Variants in ZNF407 observed in about 807,000 individuals in gnomAD.
ZNF407 encodes zinc finger protein 407.
Under a neutral mutation model 131.2 loss-of-function variants are expected in ZNF407, and 17 were observed. The observed-to-expected ratio is 0.13, with a 90% CI of 0.09 to 0.19. The LOEUF is 0.19. ZNF407 is among the 10% of genes least tolerant of loss of function. The probability of loss-of-function intolerance (pLI) is 1.00; values close to 1 mark genes in which losing one functional copy is unlikely to be tolerated. For missense variants in ZNF407, 2,681 were observed against 2,830.6 expected, an observed-to-expected ratio of 0.95 and a Z score of 1.20; for synonymous variants, 1,156 against 1,062.0, an observed-to-expected ratio of 1.09 and a Z score of -1.72.
intron 3 of ZNF407, among the ~76,000 whole-genome samples, chr18:74,724,533 C>CT (rs564857824): frequency 2.6e-5 from 4 of 152,058 alleles, no homozygotes; most frequent in Admixed American, 1.3e-4. Context: ...ATGAGATCAA[C>CT]TTTTTTTTAA....
At chr18:75,059,684 G>A (rs1973601759) in intron 8 of ZNF407, among the ~76,000 whole-genome samples, 1 of 152,154 alleles carries the variant, frequency 6.6e-6, no homozygotes, top group South Asian at 2.1e-4. Context: ...CCGGGGATCA[G>A]CCACACGGGC....
At chr18:74,601,704 T>G (rs1235740208) in intron 1 of ZNF407, among the ~76,000 whole-genome samples, 1 of 151,682 alleles carries the variant, frequency 6.6e-6, no homozygotes, top group East Asian at 1.9e-4. Context: ...CCAGGTCACA[T>G]GGGAACTCAC....
chr18:74,698,850 C>G lies in ZNF407; in HGVS notation c.4802+57728C>G, dbSNP rs1014510672. ...GTATACTCACTGGGCCATTAATGCT[C>G]TTAATTTGTTCCCCTCTTATTTCCT... On this transcript the variant is annotated intron_variant, in intron 3 of 8. Coordinates refer to ENST00000299687, the MANE Select transcript of ZNF407 (RefSeq NM_017757.3). Among the ~76,000 whole-genome samples the G allele has an allele frequency of 3.3e-5, 5 of 152,212 alleles. No individual in the cohort carries two copies. In the Middle Eastern group the frequency reaches 0.014, roughly 414 times the overall value.
At chr18:74,694,363 A>G (rs1967302182) in intron 3 of ZNF407, among the ~76,000 whole-genome samples, 1 of 152,130 alleles carries the variant, frequency 6.6e-6, no homozygotes, top group Non-Finnish European at 1.5e-5. Context: ...CAGAACTTGA[A>G]GATCACTTTA....
At chr18:74,641,303 C>T (rs896510400) in intron 3 of ZNF407, among the ~76,000 whole-genome samples, 181 bp downstream of exon 3, 11 of 152,226 alleles carry the variant, frequency 7.2e-5, no homozygotes, top group Admixed American at 2.0e-4. Flanking sequence ...CACTTCTAAT[C>T]CTGTACTGAA....
intron 4 of ZNF407, among the ~76,000 whole-genome samples, chr18:74,850,830 A>T (rs1452607921): frequency 1.3e-5 from 2 of 152,216 alleles, no homozygotes; most frequent in South Asian, 4.1e-4. Flanking sequence ...CCACTAATAA[A>T]GAACTCTCGA....
At chr18:74,622,015 C>T (rs563906368) in intron 1 of ZNF407, among the ~76,000 whole-genome samples, 3 of 152,086 alleles carry the variant, frequency 2.0e-5, no homozygotes, top group Non-Finnish European at 4.4e-5. Flanking sequence ...GTTGTATACT[C>T]TCTTCTCGTG....
chr18:74,630,422 C>T (rs561938520), intron 1 of ZNF407, among the ~76,000 whole-genome samples: 7 of 152,242 alleles, frequency 4.6e-5, no homozygotes, highest in South Asian at 2.1e-4. Context: ...CCGCCTGCCT[C>T]GGCCTCCCAA....
At position 74,632,201 on chromosome 18, in the gene ZNF407, A is replaced by G. The variant is rs888608282; in HGVS notation, c.1182A>G (p.Lys394=). 3 of 1,613,972 alleles carry G rather than the reference A, an allele frequency of 1.9e-6. No homozygotes were observed. Among genetic ancestry groups the G allele is most frequent in the Non-Finnish European group, 2.5e-6 (3 of 1,179,880 alleles). The change falls in exon 2 of 9, where the codon AAA becomes AAG. Residue 394 remains lysine (K), a synonymous_variant. Coordinates refer to ENST00000299687, the MANE Select transcript of ZNF407 (RefSeq NM_017757.3). ...TLVTSEGLLE[K]LESTKNTLQA... ...TAACCTCAGAGGGTCTCTTAGAGAA[A>G]TTGGAATCTACAAAAAATACCCTTC...
chr18:74,817,620 C>T (rs1164885919), intron 4 of ZNF407, among the ~76,000 whole-genome samples: 1 of 152,130 alleles, frequency 6.6e-6, no homozygotes, highest in Admixed American at 6.6e-5. Flanking sequence ...CTCAAAATTA[C>T]TATGACACTA....
intron 7 of ZNF407, among the ~76,000 whole-genome samples, chr18:74,909,273 C>T (rs1203870481): frequency 2.6e-5 from 4 of 151,634 alleles, no homozygotes; most frequent in African/African-American, 7.3e-5. Context: ...GGAAAAGCGC[C>T]GATAATGACT....
chr18:74,977,143 G>T lies in ZNF407; in HGVS notation c.5428+56451G>T, dbSNP rs1444598519. ...GCTTTCTGATGCATTTGATGGCTTT[G>T]CTGATGGTCTGGATAATACTTGCAG... On this transcript the variant is annotated intron_variant, in intron 8 of 8. Coordinates refer to ENST00000299687, the MANE Select transcript of ZNF407 (RefSeq NM_017757.3). 2.0e-5 allele frequency among the ~76,000 whole-genome samples: 3 copies of T among 152,242 alleles called. No homozygotes were observed. In the East Asian group the frequency reaches 5.8e-4, roughly 29 times the overall value.
At chr18:74,818,654 C>T (rs550507543) in intron 4 of ZNF407, among the ~76,000 whole-genome samples, 1 of 152,272 alleles carries the variant, frequency 6.6e-6, no homozygotes, top group African/African-American at 2.4e-5. Flanking sequence ...TAAAAACACA[C>T]TTTGGCTAAA....
At chr18:74,851,377 A>G (rs1432491200) in intron 4 of ZNF407, among the ~76,000 whole-genome samples, 4 of 152,226 alleles carry the variant, frequency 2.6e-5, no homozygotes, top group Non-Finnish European at 5.9e-5. Flanking sequence ...ATTCCCTGAT[A>G]TAAAACATTT....
intron 4 of ZNF407, among the ~76,000 whole-genome samples, chr18:74,818,586 G>A (rs1019982833): frequency 2.0e-5 from 3 of 152,114 alleles, no homozygotes; most frequent in African/African-American, 4.8e-5. Flanking sequence ...TAAAATAAGC[G>A]AAGCTCCTTT....
intron 1 of ZNF407, among the ~76,000 whole-genome samples, chr18:74,614,053 G>A (rs28455052): frequency 0.32 from 49,010 of 152,018 alleles, 8,598 homozygotes; most frequent in African/African-American, 0.45. Flanking sequence ...ATGGATCAGA[G>A]TTTGATATAT....
chr18:74,658,975 C>T (rs1239344734), intron 3 of ZNF407, among the ~76,000 whole-genome samples: 3 of 152,010 alleles, frequency 2.0e-5, no homozygotes, highest in East Asian at 3.8e-4. Context: ...CTATTGTATA[C>T]ACATGGTGTG....
At chr18:74,781,657 G>C (rs1298287909) in intron 4 of ZNF407, among the ~76,000 whole-genome samples, 155 bp downstream of exon 4, 3 of 150,994 alleles carry the variant, frequency 2.0e-5, no homozygotes, top group Non-Finnish European at 4.4e-5. Context: ...TTATGCCATC[G>C]TTTCACAAAA....
chr18:74,734,203 C>T (rs1208700954), intron 3 of ZNF407, among the ~76,000 whole-genome samples: 1 of 152,184 alleles, frequency 6.6e-6, no homozygotes, highest in African/African-American at 2.4e-5. Context: ...TGTCACGCCA[C>T]TCATTGAGAC....
Sources: allele counts gnomAD v4.1 joint callset (sites outside exome capture counted in the v4.1 genomes callset), GRCh38; gene constraint gnomAD v4.1.1; transcripts MANE v1.5; gene names NCBI Gene and HGNC (gene_info 2026-07-23, HGNC 2026-07-21).